Variants in STX8 observed in about 807,000 individuals in gnomAD.
STX8 encodes syntaxin-8.
Under a neutral mutation model 37.5 loss-of-function variants are expected in STX8, and 23 were observed. That is an observed-to-expected ratio of 0.61 (90% CI 0.44 to 0.87). The LOEUF is 0.87. Ranked by LOEUF, STX8 falls within the 40% of genes least tolerant of loss-of-function variation. The pLI, the probability that STX8 is intolerant of heterozygous loss-of-function variation, is 0.00. For synonymous variants in STX8, 115 were observed against 99.1 expected, an observed-to-expected ratio of 1.16 and a Z score of -0.95; for missense variants, 313 against 284.7, an observed-to-expected ratio of 1.10 and a Z score of -0.71.
intron 4 of STX8, among the ~76,000 whole-genome samples, chr17:9,513,304 C>T (rs187923436): frequency 1.8e-3 from 174 of 98,246 alleles, no homozygotes; most frequent in African/African-American, 6.0e-3. Flanking sequence ...CATAGTGAGA[C>T]TCTATTTCCA....
At chr17:9,259,675 G>A (rs767184803) in intron 7 of STX8, among the ~76,000 whole-genome samples, 1 of 152,142 alleles carries the variant, frequency 6.6e-6, no homozygotes, top group African/African-American at 2.4e-5. Flanking sequence ...TGGACACCAG[G>A]TGAGAGGAAC....
At chr17:9,436,342 A>G (rs540910289) in intron 6 of STX8, among the ~76,000 whole-genome samples, 13 of 137,426 alleles carry the variant, frequency 9.5e-5, no homozygotes, top group African/African-American at 3.1e-4. Flanking sequence ...GCAAGCCTCC[A>G]TCGCAAAAAA....
intron 6 of STX8, among the ~76,000 whole-genome samples, chr17:9,435,194 G>T (rs1196773850): frequency 6.6e-6 from 1 of 152,206 alleles, no homozygotes; most frequent in Non-Finnish European, 1.5e-5. Context: ...TGTGGGGAAA[G>T]ATACTGAGCC....
At chr17:9,304,232 G>A (rs1908879470) in intron 7 of STX8, among the ~76,000 whole-genome samples, 2 of 151,930 alleles carry the variant, frequency 1.3e-5, no homozygotes, top group Admixed American at 6.6e-5. Flanking sequence ...AAGAGTAGCC[G>A]GGTGCTGTGG....
At chr17:9,406,446 G>C (rs77512455) in intron 6 of STX8, among the ~76,000 whole-genome samples, 330 of 152,270 alleles carry the variant, frequency 2.2e-3, no homozygotes, top group African/African-American at 7.6e-3. Context: ...ATCTGAGCTT[G>C]CCTCAATAGC....
intron 6 of STX8, among the ~76,000 whole-genome samples, chr17:9,443,694 A>C (rs1390982110): frequency 6.6e-6 from 1 of 152,042 alleles, no homozygotes; most frequent in Non-Finnish European, 1.5e-5. Context: ...CATTTATATT[A>C]TTTCTACTGG....
intron 7 of STX8, among the ~76,000 whole-genome samples, chr17:9,286,686 C>CAAA (rs34274390): frequency 4.8e-5 from 4 of 82,922 alleles, no homozygotes; most frequent in Non-Finnish European, 7.3e-5. Context: ...CAAAGGGAAG[C>CAAA]AAAAAAAAAA....
intron 2 of STX8, among the ~76,000 whole-genome samples, chr17:9,565,203 G>T (rs1467402611): frequency 2.0e-5 from 3 of 152,110 alleles, no homozygotes; most frequent in Admixed American, 2.0e-4. Context: ...GCAAGACTCT[G>T]TCTCAAAAAG....
chr17:9,512,479 T>C lies in STX8; in HGVS notation c.324-7317A>G, dbSNP rs183069286. ...GAGCCAACTGATCTTTTTTTTTTTT[T>C]CCGAGGCAGAGTCTCACTCTATAAC... is the stretch of plus-strand genomic sequence containing the variant. On this transcript the variant is annotated intron_variant, in intron 4 of 7. Coordinates refer to ENST00000306357, the MANE Select transcript of STX8 (RefSeq NM_004853.3). Among the ~76,000 whole-genome samples, 382 of 151,768 alleles carry C rather than the reference T, an allele frequency of 2.5e-3. 3 individuals carry two copies. Among genetic ancestry groups the C allele is most frequent in the African/African-American group, 8.7e-3 (360 of 41,190 alleles).
At chr17:9,452,704 A>G (rs1470058336) in intron 6 of STX8, among the ~76,000 whole-genome samples, 1 of 152,140 alleles carries the variant, frequency 6.6e-6, no homozygotes, top group African/African-American at 2.4e-5. Context: ...GGGTGTTCTC[A>G]ATGTATAAAC....
At chr17:9,465,516 T>C (rs1462518612) in intron 6 of STX8, among the ~76,000 whole-genome samples, 1 of 152,160 alleles carries the variant, frequency 6.6e-6, no homozygotes, top group Non-Finnish European at 1.5e-5. Flanking sequence ...GGATGAATTG[T>C]GCGTGGTGAA....
At chr17:9,329,685 C>T (rs1420818116) in intron 7 of STX8, among the ~76,000 whole-genome samples, 2 of 152,252 alleles carry the variant, frequency 1.3e-5, no homozygotes, top group Non-Finnish European at 2.9e-5. Context: ...CAGGCCGTTG[C>T]AGCTGGAGCT....
At chr17:9,370,144 G>C (rs1272788653) in intron 7 of STX8, among the ~76,000 whole-genome samples, 1 of 151,698 alleles carries the variant, frequency 6.6e-6, no homozygotes, top group East Asian at 1.9e-4. Context: ...GAACTCAGGA[G>C]GCGGAGGTTG....
At chr17:9,505,313 T>A in intron 4 of STX8, 151 bp from the exon 5 acceptor site, 2 of 866,024 alleles carry the variant, frequency 2.3e-6, no homozygotes, top group Non-Finnish European at 1.7e-6. Context: ...CCAGGAACTG[T>A]ATTCAGTGCT....
At chr17:9,322,814 T>TAA (rs59941529) in intron 7 of STX8, among the ~76,000 whole-genome samples, 6,608 of 64,716 alleles carry the variant, frequency 0.1, 519 homozygotes, top group Middle Eastern at 0.16. Context: ...GTGCATTTGC[T>TAA]AAAAAAAAAA....
At chr17:9,535,424 CTTTTTTTTTTTTTTTTTTT>C (rs35962202) in intron 4 of STX8, among the ~76,000 whole-genome samples, 1 of 51,550 alleles carries the variant, frequency 1.9e-5, no homozygotes, top group African/African-American at 7.4e-5. Context: ...AGCCATCCTA[CTTTTTTTTTTTTTTTTTTT>C]TTTTTTTGAG....
At chr17:9,259,086 G>C (rs1285665808) in intron 7 of STX8, among the ~76,000 whole-genome samples, 1 of 152,148 alleles carries the variant, frequency 6.6e-6, no homozygotes, top group Non-Finnish European at 1.5e-5. Context: ...GCGGTGGAAG[G>C]GGTACTGATT....
chr17:9,388,812 GA>G (rs79059878), intron 6 of STX8, among the ~76,000 whole-genome samples: 6,357 of 108,014 alleles, frequency 0.059, 140 homozygotes, highest in South Asian at 0.081. Flanking sequence ...TCAAAAAAAA[GA>G]AAAAAAAAAA....
intron 6 of STX8, among the ~76,000 whole-genome samples, chr17:9,484,384 C>CAA (rs58573668): frequency 9.8e-4 from 69 of 70,076 alleles, no homozygotes; most frequent in Non-Finnish European, 1.7e-3. Flanking sequence ...AACCTAAGCT[C>CAA]AAAAAAAAAA....
Sources: gnomAD v4.1 joint callset for allele counts (sites outside exome capture counted in the v4.1 genomes callset) on GRCh38, gnomAD v4.1.1 for gene constraint, MANE v1.5 for transcripts, NCBI Gene and HGNC (gene_info 2026-07-23, HGNC 2026-07-21) for gene names.